NT5C1B: variants seen among roughly 807,000 people sequenced by gnomAD.
The protein encoded by NT5C1B is cytosolic 5'-nucleotidase 1B.
In NT5C1B, 44 loss-of-function variants were observed where a neutral mutation model predicts 57.8. The ratio of observed to expected loss-of-function variants is 0.76; its 90% confidence interval spans 0.60 to 0.98. NT5C1B has a LOEUF of 0.98. Ranked by LOEUF, NT5C1B falls within the 50% of genes least tolerant of loss-of-function variation. The pLI is 0.00. For missense variants in NT5C1B, 742 were observed against 719.5 expected, an observed-to-expected ratio of 1.03 and a Z score of -0.36; for synonymous variants, 284 against 282.6, an observed-to-expected ratio of 1.00 and a Z score of -0.05.
intron 8 of NT5C1B, among the ~76,000 whole-genome samples, chr2:18,574,140 G>A (rs1665453777): frequency 6.6e-6 from 1 of 151,964 alleles, no homozygotes. Flanking sequence ...AACAAATTAA[G>A]CTGGTTAAAA....
In NT5C1B at chr2:18,571,718, GTATATATATATATATATA is replaced by G. The variant is rs59799495; in HGVS notation, c.1329+4448_1329+4465del. Among the ~76,000 whole-genome samples the G allele has an allele frequency of 3.6e-3, 397 of 111,432 alleles. 5 individuals carry two copies. The highest frequency in any genetic ancestry group is 6.4e-3 in the South Asian group (21 of 3,258). 73.1% of individuals were successfully genotyped at this position (111,432 alleles called of 152,430 possible). On this transcript the variant is annotated intron_variant, in intron 8 of 8. Coordinates refer to ENST00000304081, the Ensembl canonical transcript of NT5C1B. ...TCTCTCTCTTTCTCTCTGTGTGTGT[GTATATATATATATATATA>G]TATATATATATATATATATATATAT...
At chr2:18,570,669 T>A (rs1665070814) in intron 8 of NT5C1B, among the ~76,000 whole-genome samples, 1 of 152,180 alleles carries the variant, frequency 6.6e-6, no homozygotes, top group Non-Finnish European at 1.5e-5. Flanking sequence ...CCAAACATTT[T>A]AAATAGTTTG....
At chr2:18,573,445 T>TACACAC (rs112972669) in intron 8 of NT5C1B, among the ~76,000 whole-genome samples, 1 of 150,316 alleles carries the variant, frequency 6.7e-6, no homozygotes, top group Non-Finnish European at 1.5e-5. Flanking sequence ...AAAATTCTGA[T>TACACAC]ACACACACAC....
chr2:18,568,087 G>GACACACAT lies in NT5C1B; in HGVS notation c.1330-3969_1330-3968insATGTGTGT, dbSNP rs113426219. Among the ~76,000 whole-genome samples, 57 of 142,706 alleles carry GACACACAT rather than the reference G, an allele frequency of 4.0e-4. 1 individual carries two copies. The highest frequency in any genetic ancestry group is 1.2e-3 in the African/African-American group (46 of 38,184). The allele number at this position is 142,706 out of a possible 152,430, so 93.6% of individuals were successfully genotyped here. A position where few individuals can be genotyped will look rare whatever the true frequency, so the allele number is the denominator to read the frequency against. ...AGAGCAGAGCATTGAAATGCTGTGGGACACACACACACACACACACACACA... is the reference window on the plus strand; with the variant it reads ...AGAGCAGAGCATTGAAATGCTGTGGGACACACATACACACACACACACACACACACACA... On this transcript the variant is annotated intron_variant, in intron 8 of 8. Coordinates refer to ENST00000304081, the Ensembl canonical transcript of NT5C1B.
intron 6 of NT5C1B, among the ~76,000 whole-genome samples, chr2:18,581,071 A>G (rs2346137): frequency 0.38 from 57,635 of 152,146 alleles, 11,493 homozygotes; most frequent in South Asian, 0.62. Context: ...GTGAATTATC[A>G]TCATTCAACA....
chr2:18,564,066 A>G (rs1664416917), exon 9 of NT5C1B: 4 of 1,608,272 alleles, frequency 2.5e-6, no homozygotes, highest in Non-Finnish European at 2.5e-6. Context: ...CATTTTTGGC[A>G]TAGAACTTCT....
chr2:18,570,930 G>T (rs779662142), intron 8 of NT5C1B, among the ~76,000 whole-genome samples: 2 of 152,124 alleles, frequency 1.3e-5, no homozygotes, highest in Non-Finnish European at 2.9e-5. Flanking sequence ...GACTAAAGGG[G>T]AGAAACCACA....
chr2:18,586,158 G>A (rs1471964250), intron 3 of NT5C1B, 96 bp downstream of exon 3: 1 of 1,526,504 alleles, frequency 6.6e-7, no homozygotes, highest in African/African-American at 1.4e-5. Flanking sequence ...CACATGTAAA[G>A]CACATAAACA....
intron 8 of NT5C1B, among the ~76,000 whole-genome samples, chr2:18,564,942 TAA>T (rs1448022055): frequency 1.3e-5 from 2 of 152,150 alleles, no homozygotes; most frequent in Non-Finnish European, 2.9e-5. Flanking sequence ...TCCTCTATTT[TAA>T]AAAGAATCCC....
At chr2:18,569,899 G>T (rs1163959793) in intron 8 of NT5C1B, among the ~76,000 whole-genome samples, 1 of 151,970 alleles carries the variant, frequency 6.6e-6, no homozygotes, top group African/African-American at 2.4e-5. Context: ...AATGACAACA[G>T]AATATTCTTT....
At chr2:18,568,803 T>G (rs1237626342) in intron 8 of NT5C1B, among the ~76,000 whole-genome samples, 2 of 152,152 alleles carry the variant, frequency 1.3e-5, no homozygotes, top group Non-Finnish European at 2.9e-5. Flanking sequence ...GGAGTCTTCC[T>G]ACCTTTGCTT....
At chr2:18,570,619 A>G (rs1490151884) in intron 8 of NT5C1B, among the ~76,000 whole-genome samples, 2 of 152,100 alleles carry the variant, frequency 1.3e-5, no homozygotes, top group Non-Finnish European at 2.9e-5. Flanking sequence ...TCCAACAAAG[A>G]AAAAAGTCCA....
intron 8 of NT5C1B, 120 bp downstream of exon 8, chr2:18,576,064 G>T: frequency 9.3e-7 from 1 of 1,078,234 alleles, no homozygotes; most frequent in Non-Finnish European, 1.3e-6. Flanking sequence ...AGATAAGACA[G>T]TAAGAAGGAG....
chr2:18,585,074 A>G, intron 3 of NT5C1B, 96 bp from the exon 4 acceptor site: 1 of 1,515,226 alleles, frequency 6.6e-7, no homozygotes, highest in South Asian at 1.1e-5. Context: ...TAGACCTTTG[A>G]TGGGTGCTGG....
At chr2:18,567,960 G>A (rs535453720) in intron 8 of NT5C1B, among the ~76,000 whole-genome samples, 141 of 152,234 alleles carry the variant, frequency 9.3e-4, no homozygotes, top group African/African-American at 3.2e-3. Flanking sequence ...GGATGTGTCA[G>A]TAGACTCAAC....
At chr2:18,578,703 T>C (rs996255060) in intron 6 of NT5C1B, among the ~76,000 whole-genome samples, 1 of 152,068 alleles carries the variant, frequency 6.6e-6, no homozygotes, top group Non-Finnish European at 1.5e-5. Context: ...GCCAACATCA[T>C]ACTGAGTGGG....
chr2:18,589,306 C>T (rs1666990267), intron 1 of NT5C1B, 133 bp downstream of exon 1: 4 of 1,227,326 alleles, frequency 3.3e-6, no homozygotes, highest in Non-Finnish European at 1.2e-6. Context: ...TCTCTCCCTT[C>T]TCTTTTCCTC....
Position 18,584,020 on chromosome 2 carries a change from A to G in NT5C1B, c.891+68T>C. 6.2e-7 allele frequency: 1 copy of G among 1,612,792 alleles called. No individual in the cohort carries two copies. On this transcript the variant is annotated intron_variant, in intron 5 of 8. Coordinates refer to ENST00000304081, the Ensembl canonical transcript of NT5C1B. This position sits in a 1 kb window ranked among gnomAD's most constrained non-coding sequence, Gnocchi z 5.8. ...GATCTGGGAAATTGGATGCCCTCCC[A>G]AGGGTTGGCCTGGGTCCCTCCCTCG...
chr2:18,563,981 T>TCA lies in NT5C1B; in HGVS notation c.1466_1467dup (p.Lys490Ter). ...TCTAGACCCCAGCGTCGAAGGGTCT[T>TCA]CAGCACACGGGCGCCTGAACTGGCT... On this transcript the variant is annotated frameshift_variant, in exon 9 of 9. Coordinates refer to ENST00000304081, the Ensembl canonical transcript of NT5C1B. LOFTEE classifies it high-confidence loss of function. 1 of 1,614,180 alleles carries TCA rather than the reference T, an allele frequency of 6.2e-7. No homozygotes were observed. The highest frequency in any genetic ancestry group is 8.5e-7 in the Non-Finnish European group (1 of 1,180,020).
Sources: allele counts gnomAD v4.1 joint callset (sites outside exome capture counted in the v4.1 genomes callset), GRCh38; gene constraint gnomAD v4.1.1; non-coding constraint Gnocchi (gnomAD v3.1); transcripts MANE v1.5; gene names NCBI Gene and HGNC (gene_info 2026-07-23, HGNC 2026-07-21).